The following ITGB4 variants were observed in gnomAD, a reference collection of about 807,000 sequenced individuals.
The protein encoded by ITGB4 is integrin beta-4.
A neutral mutation model predicts 207.6 loss-of-function variants in ITGB4; 159 were observed. The ratio of observed to expected loss-of-function variants is 0.77; its 90% CI spans 0.67 to 0.87. The LOEUF (loss-of-function observed/expected upper bound fraction) is 0.87, where lower values mean the gene tolerates loss of function less well. Ranked by LOEUF, ITGB4 falls within the 40% of genes least tolerant of loss-of-function variation. The probability of loss-of-function intolerance (pLI) is 0.00; values close to 1 mark genes in which losing one functional copy is unlikely to be tolerated. For missense variants in ITGB4, 2,278 were observed against 2,546.8 expected (o/e 0.89, Z 2.27); for synonymous variants, 1,020 against 1,062.7 (o/e 0.96, Z 0.78).
rs548975566 is a variant in ITGB4, at chr17:75,750,802, C to T, written c.3597C>T (p.Tyr1199=). Reference sequence around the variant, plus strand: ...ACTATGAGATGAAGGTGTGCGCCTACGGGGCTCAGGGCGAGGGACCCTACA... The same window carrying T: ...ACTATGAGATGAAGGTGTGCGCCTATGGGGCTCAGGGCGAGGGACCCTACA... ...YCDYEMKVCA[Y]GAQGEGPYSS... Residue 1199 remains tyrosine (Y), a synonymous_variant, in exon 29 of 40, where the codon TAC becomes TAT. Coordinates refer to ENST00000200181, the MANE Select transcript of ITGB4 (RefSeq NM_000213.5). The surrounding 1 kb of genome is among the most constrained non-coding windows in gnomAD (Gnocchi z 5.5). 9.9e-6 allele frequency: 16 copies of T among 1,613,512 alleles called. No homozygotes were observed. The highest frequency in any genetic ancestry group is 6.7e-5 in the East Asian group (3 of 44,878).
intron 27 of ITGB4, 134 bp downstream of exon 27, chr17:75,749,179 C>T (rs2603494): frequency 2.6e-6 from 2 of 763,066 alleles, no homozygotes; most frequent in South Asian, 1.5e-5. Flanking sequence ...AAACAACATA[C>T]ACGTTGGTAG....
chr17:75,753,808 C>T lies in ITGB4; in HGVS notation c.4152C>T (p.Asp1384=), dbSNP rs772203536. Residue 1384 remains aspartate (D), a synonymous_variant, in exon 33 of 40, where the codon GAC becomes GAT. Transcript: ENST00000200181. ...AGCCCCTGCTGGGGGAGGAGCTGGA[C>T]CTGCGGCGCGTCACGTGGCGGCTGC... ...KFEPLLGEEL[D]LRRVTWRLPP... is the part of the protein sequence containing the mutation. The T allele has an allele frequency of 3.4e-6, 5 of 1,466,376 alleles. No individual in the cohort carries two copies. In the Admixed American group the frequency reaches 6.4e-5, roughly 19 times the overall value. The allele number at this position is 1,466,376 out of a possible 1,614,324, so 90.8% of individuals were successfully genotyped here.
Position 75,753,832 on chromosome 17 carries a change from G to GC in ITGB4, c.4181dup (p.Glu1395GlyfsTer177). On this transcript the variant is annotated frameshift_variant, in exon 33 of 40. Transcript: ENST00000200181. LOFTEE classifies it high-confidence loss of function. ...ACCTGCGGCGCGTCACGTGGCGGCT[G>GC]CCCCCGGAGCTCATCCCGCGCCTGT... is the stretch of plus-strand genomic sequence containing the variant. The GC allele has an allele frequency of 2.1e-6, 3 of 1,444,486 alleles. No individual in the cohort carries two copies. Among genetic ancestry groups the GC allele is most frequent in the Non-Finnish European group, 1.8e-6 (2 of 1,098,588 alleles). The allele number at this position is 1,444,486 out of a possible 1,614,324, so 89.5% of individuals were successfully genotyped here. A position where few individuals can be genotyped will look rare whatever the true frequency, so the allele number is the denominator to read the frequency against.
Position 75,729,693 on chromosome 17 carries a change from G to A in ITGB4, c.738+257G>A, listed in dbSNP as rs541690848. Among the ~76,000 whole-genome samples, 1 of 152,322 alleles carries A rather than the reference G, an allele frequency of 6.6e-6. No individual in the cohort carries two copies. Among genetic ancestry groups the A allele is most frequent in the African/African-American group, 2.4e-5 (1 of 41,576 alleles). Reference sequence around the variant, plus strand: ...GCCTGGTTTCGTATCAGCTACCAAGGCAGACCTGGGCTTTAGCGTTCTGGA... The same window carrying A: ...GCCTGGTTTCGTATCAGCTACCAAGACAGACCTGGGCTTTAGCGTTCTGGA... On this transcript the variant is annotated intron_variant, in intron 7 of 39. Coordinates refer to ENST00000200181, the MANE Select transcript of ITGB4 (RefSeq NM_000213.5). This position sits in a 1 kb window ranked among gnomAD's most constrained non-coding sequence, Gnocchi z 4.4.
Position 75,752,597 on chromosome 17 carries a change from C to G in ITGB4, c.4108+20C>G, listed in dbSNP as rs1036727526. ...ACACTGGTGAGTGGAGACCTGGGAC[C>G]CACAAGAGGACAGTGGGGGTCTTGG... is the stretch of plus-strand genomic sequence containing the variant. On this transcript the variant is annotated intron_variant, in intron 32 of 39. Transcript: ENST00000200181. 1.2e-6 allele frequency: 2 copies of G among 1,612,970 alleles called. No individual in the cohort carries two copies. Among genetic ancestry groups the G allele is most frequent in the Non-Finnish European group, 1.7e-6 (2 of 1,179,796 alleles).
At position 75,740,988 on chromosome 17, in the gene ITGB4, G is replaced by A; in HGVS notation, c.2616G>A (p.Gln872=). 1.2e-6 allele frequency: 2 copies of A among 1,613,864 alleles called. No homozygotes were observed. The highest frequency in any genetic ancestry group is 1.7e-6 in the Non-Finnish European group (2 of 1,180,018). Reference sequence around the variant, plus strand: ...GCCCTCTTTGTCCCCACAGGCAGCAGCCCAATGCCGGGAAAAAGTGAGTAG... The same window carrying A: ...GCCCTCTTTGTCCCCACAGGCAGCAACCCAATGCCGGGAAAAAGTGAGTAG... ...HKLQQTKFRQ[Q]PNAGKKQDHT... Residue 872 remains glutamine (Q), a synonymous_variant, in exon 23 of 40, where the codon CAG becomes CAA. Coordinates refer to ENST00000200181, the MANE Select transcript of ITGB4 (RefSeq NM_000213.5). The surrounding 1 kb of genome is among the most constrained non-coding windows in gnomAD (Gnocchi z 5.9).
Position 75,741,021 on chromosome 17 carries a change from G to C in ITGB4, c.2633+16G>C, listed in dbSNP as rs373065909. ...CCGGGAAAAAGTGAGTAGAAGACTC[G>C]TGGGTGAGAGGGCCCCCACTTCCTG... On this transcript the variant is annotated intron_variant, in intron 23 of 39. Coordinates refer to ENST00000200181, the MANE Select transcript of ITGB4 (RefSeq NM_000213.5). 6 of 1,611,560 alleles carry C rather than the reference G, an allele frequency of 3.7e-6. No homozygotes were observed. Among genetic ancestry groups the C allele is most frequent in the Admixed American group, 1.7e-5 (1 of 59,980 alleles).
At position 75,740,973 on chromosome 17, in the gene ITGB4, TC is replaced by T. The variant is rs1568364789; in HGVS notation, c.2610-5del. 3 of 1,613,812 alleles carry T rather than the reference TC, an allele frequency of 1.9e-6. No individual in the cohort carries two copies. The highest frequency in any genetic ancestry group is 2.5e-6 in the Non-Finnish European group (3 of 1,180,000). On this transcript the variant is annotated splice_polypyrimidine_tract_variant and splice_region_variant and intron_variant, in intron 22 of 39. Transcript: ENST00000200181. The surrounding 1 kb of genome is among the most constrained non-coding windows in gnomAD (Gnocchi z 5.9). Reference sequence around the variant, plus strand: ...TATCTAGCTCACAGCGCCCTCTTTGTCCCCACAGGCAGCAGCCCAATGCCGG... The same window carrying T: ...TATCTAGCTCACAGCGCCCTCTTTGTCCCACAGGCAGCAGCCCAATGCCGG...
In ITGB4 at chr17:75,753,761, C is replaced by A; in HGVS notation, c.4109-4C>A. ...TGCCAACGCGGCCCTTCGTTGTTCC[C>A]AAGGCTGCGGCTGGAAGTTCGAGCC... is the stretch of plus-strand genomic sequence containing the variant. On this transcript the variant is annotated splice_region_variant and splice_polypyrimidine_tract_variant and intron_variant, in intron 32 of 39. Coordinates refer to ENST00000200181, the MANE Select transcript of ITGB4 (RefSeq NM_000213.5). The A allele has an allele frequency of 1.4e-6, 2 of 1,438,114 alleles. No individual in the cohort carries two copies. The highest frequency in any genetic ancestry group is 1.5e-5 in the South Asian group (1 of 65,906). 89.1% of individuals were successfully genotyped at this position (1,438,114 alleles called of 1,614,324 possible). A position where few individuals can be genotyped will look rare whatever the true frequency, so the allele number is the denominator to read the frequency against.
rs989962311 is a variant in ITGB4 at position 75,736,666 on chromosome 17, G to A, written c.1962G>A (p.Lys654=). ...GCACGTGTGAGGAATGCAACTTCAA[G>A]GTCAAGATGGTGGACGAGCTTAAGA... ...KGRTCEECNF[K]VKMVDELKRA... is the part of the protein sequence containing the mutation. Residue 654 remains lysine, a synonymous_variant, in exon 16 of 40, where the codon AAG becomes AAA. Transcript: ENST00000200181. The A allele has an allele frequency of 2.4e-5, 38 of 1,597,962 alleles. No individual in the cohort carries two copies. Among genetic ancestry groups the A allele is most frequent in the Non-Finnish European group, 3.2e-5 (38 of 1,173,584 alleles).
intron 13 of ITGB4, among the ~76,000 whole-genome samples, chr17:75,735,407 C>CTT (rs2060952197): frequency 8.8e-6 from 1 of 114,220 alleles, no homozygotes; most frequent in Non-Finnish European, 1.8e-5. Flanking sequence ...TTTCTTTTTT[C>CTT]TTTTCTTTTT....
At position 75,724,745 on chromosome 17, in the gene ITGB4, G is replaced by A; in HGVS notation, c.42G>A (p.Leu14=). Reference sequence around the variant, plus strand: ...CCAGCCCATGGGCCAGGCTGCTCCTGGCAGCCTTGATCAGCGTCAGCCTCT... The same window carrying A: ...CCAGCCCATGGGCCAGGCTGCTCCTAGCAGCCTTGATCAGCGTCAGCCTCT... The part of the protein sequence containing the change: ...PRPSPWARLL[L]AALISVSLSG... The change falls in exon 2 of 40, where the codon CTG becomes CTA. Residue 14 remains leucine, a synonymous_variant. Coordinates refer to ENST00000200181, the MANE Select transcript of ITGB4 (RefSeq NM_000213.5). The A allele has an allele frequency of 1.2e-6, 2 of 1,613,804 alleles. No individual in the cohort carries two copies. The highest frequency in any genetic ancestry group is 1.7e-4 in the Middle Eastern group (1 of 6,060).
Position 75,736,271 on chromosome 17 carries a change from GC to G in ITGB4, c.1762-12del. On this transcript the variant is annotated splice_polypyrimidine_tract_variant and intron_variant, in intron 14 of 39. Coordinates refer to ENST00000200181, the MANE Select transcript of ITGB4 (RefSeq NM_000213.5). ...GATGGGGCACAGCTGGCTCACTGGT[GC>G]CCCCTCCTACCCCAGGGCATCTGTA... 3.1e-6 allele frequency: 5 copies of G among 1,611,968 alleles called. No homozygotes were observed. Among genetic ancestry groups the G allele is most frequent in the African/African-American group, 2.7e-5 (2 of 75,000 alleles).
chr17:75,724,167 C>T (rs1038594431), intron 1 of ITGB4, among the ~76,000 whole-genome samples: 1 of 152,230 alleles, frequency 6.6e-6, no homozygotes, highest in African/African-American at 2.4e-5. Flanking sequence ...TGCAGTAAGC[C>T]ACTGCGGGCA....
chr17:75,754,864 TC>T lies in ITGB4; in HGVS notation c.4558+51del, dbSNP rs762946737. On this transcript the variant is annotated intron_variant, in intron 34 of 39. Transcript: ENST00000200181. The stretch of plus-strand genomic sequence containing the variant: ...CCTCTCCCACTAACCCTTCCTCTCT[TC>T]CAGCTCCTGGAGCCTCGGGCTTCTG... 15 of 1,612,852 alleles carry T rather than the reference TC, an allele frequency of 9.3e-6. No homozygotes were observed. In the East Asian group the frequency reaches 2.9e-4, roughly 31 times the overall value.
chr17:75,731,448 A>G lies in ITGB4; in HGVS notation c.1215+80A>G, dbSNP rs1254324377. ...GTGGAATCGTTTAAAACAGCGGTCA[A>G]GAGCGTGGCCCCTGGAGTCAGGCAG... On this transcript the variant is annotated intron_variant, in intron 10 of 39. Coordinates refer to ENST00000200181, the MANE Select transcript of ITGB4 (RefSeq NM_000213.5). The surrounding 1 kb of genome is among the most constrained non-coding windows in gnomAD (Gnocchi z 6.8). 1 of 1,434,818 alleles carries G rather than the reference A, an allele frequency of 7.0e-7. No individual in the cohort carries two copies. Among genetic ancestry groups the G allele is most frequent in the Non-Finnish European group, 9.6e-7 (1 of 1,044,630 alleles). 88.9% of individuals were successfully genotyped at this position (1,434,818 alleles called of 1,614,324 possible). A position where few individuals can be genotyped will look rare whatever the true frequency, so the allele number is the denominator to read the frequency against.
Position 75,731,045 on chromosome 17 carries a change from G to A in ITGB4, c.1092+81G>A. The A allele has an allele frequency of 2.1e-6, 3 of 1,450,194 alleles. No homozygotes were observed. Among genetic ancestry groups the A allele is most frequent in the Non-Finnish European group, 1.9e-6 (2 of 1,035,504 alleles). 89.8% of individuals were successfully genotyped at this position (1,450,194 alleles called of 1,614,324 possible). A position where few individuals can be genotyped will look rare whatever the true frequency, so the allele number is the denominator to read the frequency against. ...GGCAGGGTGGGCAAGAGGTGTCTTG[G>A]ATCACGGTGGAGAAATGGGTCTGGG... On this transcript the variant is annotated intron_variant, in intron 9 of 39. Coordinates refer to ENST00000200181, the MANE Select transcript of ITGB4 (RefSeq NM_000213.5). The surrounding 1 kb of genome is among the most constrained non-coding windows in gnomAD (Gnocchi z 6.8).
Position 75,742,224 on chromosome 17 carries a change from T to G in ITGB4, c.2634-117T>G. Reference sequence around the variant, plus strand: ...GAGCACTGCCTGCCTCTGAAGACCCTGCACTTCTTGCTGTCTTACATCCTG... The same window carrying G: ...GAGCACTGCCTGCCTCTGAAGACCCGGCACTTCTTGCTGTCTTACATCCTG... On this transcript the variant is annotated intron_variant, in intron 23 of 39. Coordinates refer to ENST00000200181, the MANE Select transcript of ITGB4 (RefSeq NM_000213.5). This position sits in a 1 kb window ranked among gnomAD's most constrained non-coding sequence, Gnocchi z 5.9. 1 of 1,325,506 alleles carries G rather than the reference T, an allele frequency of 7.5e-7. No homozygotes were observed. 82.1% of individuals were successfully genotyped at this position (1,325,506 alleles called of 1,614,324 possible).
rs375239525 is a variant in ITGB4 at position 75,742,601 on chromosome 17, G to T, written c.2802G>T (p.Glu934Asp). The T allele has an allele frequency of 3.7e-6, 6 of 1,613,882 alleles. No homozygotes were observed. In the African/African-American group the frequency reaches 8.0e-5, roughly 22 times the overall value. ...TADQDARGMVEFQEGVELVDV... is the reference protein window; with the variant it reads ...TADQDARGMVDFQEGVELVDV... Reference sequence around the variant, plus strand: ...ACCCAGACGCCCGGGGCATGGTGGAGTTCCAGGAGGGCGTGGAGCTGGTGG... The same window carrying T: ...ACCCAGACGCCCGGGGCATGGTGGATTTCCAGGAGGGCGTGGAGCTGGTGG... Residue 934 changes from glutamate (E) to aspartate (D), a missense_variant, in exon 25 of 40, where the codon GAG becomes GAT. Coordinates refer to ENST00000200181, the MANE Select transcript of ITGB4 (RefSeq NM_000213.5). The surrounding 1 kb of genome is among the most constrained non-coding windows in gnomAD (Gnocchi z 5.9).
Sources: gnomAD v4.1 joint callset for allele counts (sites outside exome capture counted in the v4.1 genomes callset) on GRCh38, gnomAD v4.1.1 for gene constraint, Gnocchi (gnomAD v3.1) non-coding constraint, MANE v1.5 for transcripts, NCBI Gene and HGNC (gene_info 2026-07-23, HGNC 2026-07-21) for gene names.